RBFOX2: variants seen among roughly 807,000 people sequenced by gnomAD.
The protein encoded by RBFOX2 is RNA binding protein fox-1 homolog 2.
Under a neutral mutation model 49.1 loss-of-function variants are expected in RBFOX2, and 10 were observed. The ratio of observed to expected loss-of-function variants is 0.20; its 90% CI spans 0.13 to 0.35. The LOEUF (loss-of-function observed/expected upper bound fraction) is 0.35, where lower values mean the gene tolerates loss of function less well. Ranked by LOEUF, RBFOX2 falls within the 10% of genes least tolerant of loss-of-function variation. The pLI is 1.00. For synonymous variants in RBFOX2, 183 were observed against 187.4 expected, an observed-to-expected ratio of 0.98 and a Z score of 0.19; for missense variants, 323 against 486.9, an observed-to-expected ratio of 0.66 and a Z score of 3.17.
chr22:35,757,035 C>A (rs985370448), intron 9 of RBFOX2, among the ~76,000 whole-genome samples: 2 of 151,954 alleles, frequency 1.3e-5, no homozygotes, highest in Admixed American at 1.3e-4. Flanking sequence ...TTTAAGGGTT[C>A]TTTTTTGACT....
chr22:35,995,681 G>C (rs187695878), intron 1 of RBFOX2: 1 of 158,372 alleles, frequency 6.3e-6, no homozygotes, highest in Non-Finnish European at 1.4e-5. Flanking sequence ...CCATGGTTAA[G>C]ATGTGCTTGC....
At chr22:36,013,455 A>G (rs867305575) in intron 1 of RBFOX2, among the ~76,000 whole-genome samples, 1 of 152,178 alleles carries the variant, frequency 6.6e-6, no homozygotes, top group African/African-American at 2.4e-5. Flanking sequence ...CACTAATCCT[A>G]TAACACATTT....
chr22:35,893,630 A>C (rs1443484703), intron 1 of RBFOX2, among the ~76,000 whole-genome samples: 2 of 152,094 alleles, frequency 1.3e-5, no homozygotes, highest in Non-Finnish European at 2.9e-5. Context: ...CAAATACTAC[A>C]AAAAAAATCA....
At chr22:35,909,176 G>A (rs945828545) in intron 1 of RBFOX2, among the ~76,000 whole-genome samples, 1 of 152,144 alleles carries the variant, frequency 6.6e-6, no homozygotes, top group African/African-American at 2.4e-5. Context: ...ATTGTTATCA[G>A]GTTTGGTGCA....
At chr22:36,022,839 CAAG>C (rs2059297358) in intron 1 of RBFOX2, among the ~76,000 whole-genome samples, 1 of 152,130 alleles carries the variant, frequency 6.6e-6, no homozygotes, top group African/African-American at 2.4e-5. Context: ...GAACACACAG[CAAG>C]AAGACAGCTA....
chr22:35,850,042 AAT>A (rs921196863), intron 1 of RBFOX2, among the ~76,000 whole-genome samples: 13 of 152,078 alleles, frequency 8.5e-5, no homozygotes, highest in Non-Finnish European at 1.5e-5. Flanking sequence ...GAGCCAAAAT[AAT>A]ATATATGTTC....
intron 1 of RBFOX2, among the ~76,000 whole-genome samples, chr22:35,966,878 T>C (rs963571932): frequency 6.6e-6 from 1 of 151,972 alleles, no homozygotes; most frequent in Non-Finnish European, 1.5e-5. Context: ...AGTGGTGCAA[T>C]CATAGCTCAC....
chr22:36,001,033 G>A (rs1054020894), intron 1 of RBFOX2, among the ~76,000 whole-genome samples: 5 of 151,844 alleles, frequency 3.3e-5, no homozygotes, highest in Non-Finnish European at 7.4e-5. Context: ...CTAAACCCAA[G>A]GTTTTCCCAT....
chr22:35,928,494 C>T (rs1237615045), intron 1 of RBFOX2, among the ~76,000 whole-genome samples: 2 of 152,178 alleles, frequency 1.3e-5, no homozygotes, highest in Non-Finnish European at 2.9e-5. Context: ...CCACTACAAA[C>T]CTGCAAATCT....
chr22:35,875,767 G>A (rs116864653), intron 1 of RBFOX2, among the ~76,000 whole-genome samples: 1,896 of 151,820 alleles, frequency 0.012, 26 homozygotes, highest in Non-Finnish European at 0.018. Flanking sequence ...TTCTCCTAGC[G>A]CCTCCTTATC....
intron 1 of RBFOX2, among the ~76,000 whole-genome samples, chr22:36,016,647 G>A (rs543375154): frequency 6.6e-6 from 1 of 152,312 alleles, no homozygotes; most frequent in East Asian, 1.9e-4. Flanking sequence ...AAGTCCCTAA[G>A]AAAACCCACG....
At chr22:35,926,026 G>A (rs1251909644) in intron 1 of RBFOX2, among the ~76,000 whole-genome samples, 1 of 152,138 alleles carries the variant, frequency 6.6e-6, no homozygotes, top group Non-Finnish European at 1.5e-5. Context: ...TGCAGCTAAT[G>A]CTATTAAGAA....
chr22:35,748,749 C>A (rs1176439752), intron 9 of RBFOX2: 1 of 152,088 alleles, frequency 6.6e-6, no homozygotes, highest in Non-Finnish European at 1.5e-5. Context: ...GCAGTTAAAG[C>A]CCAATTCATG....
At chr22:35,924,520 G>C (rs2051393901) in intron 1 of RBFOX2, among the ~76,000 whole-genome samples, 1 of 152,180 alleles carries the variant, frequency 6.6e-6, no homozygotes, top group African/African-American at 2.4e-5. Flanking sequence ...ACTTGTAAGA[G>C]GCACTCTCTT....
At chr22:35,758,013 A>T (rs1937512806) in intron 9 of RBFOX2, among the ~76,000 whole-genome samples, 1 of 152,190 alleles carries the variant, frequency 6.6e-6, no homozygotes, top group Non-Finnish European at 1.5e-5. Context: ...GTTCTAGAAG[A>T]ATCCCAATAT....
chr22:35,753,605 G>A (rs1224269315), intron 9 of RBFOX2, among the ~76,000 whole-genome samples: 1 of 151,252 alleles, frequency 6.6e-6, no homozygotes, highest in Non-Finnish European at 1.5e-5. Flanking sequence ...GTTTAGCTCA[G>A]CAAGGTAATC....
intron 1 of RBFOX2, among the ~76,000 whole-genome samples, chr22:36,019,223 C>T (rs138928048): frequency 1.3e-5 from 2 of 152,306 alleles, no homozygotes; most frequent in South Asian, 2.1e-4. Context: ...TGTGATACTG[C>T]AGCAGTCCTT....
Position 35,969,216 on chromosome 22 carries a change from T to C in RBFOX2, c.187-30319A>G, listed in dbSNP as rs568660492. On this transcript the variant is annotated intron_variant, in intron 1 of 13. Transcript: ENST00000438146. ...CTTTCTGCCATTTCAAAAGTAGCTTTTGTACAACTGCATAAGAATCTACAA... is the reference window on the plus strand; with the variant it reads ...CTTTCTGCCATTTCAAAAGTAGCTTCTGTACAACTGCATAAGAATCTACAA... 1.4e-3 allele frequency among the ~76,000 whole-genome samples: 220 copies of C among 152,256 alleles called. 2 individuals carry two copies. Among genetic ancestry groups the C allele is most frequent in the African/African-American group, 4.9e-3 (202 of 41,528 alleles).
intron 1 of RBFOX2, among the ~76,000 whole-genome samples, chr22:35,891,108 T>G (rs2047184345): frequency 1.3e-5 from 2 of 152,220 alleles, no homozygotes; most frequent in Admixed American, 1.3e-4. Context: ...TTATTACCTG[T>G]GCATACAGAT....
Sources: gnomAD v4.1 joint callset for allele counts (sites outside exome capture counted in the v4.1 genomes callset) on GRCh38, gnomAD v4.1.1 for gene constraint, MANE v1.5 for transcripts, NCBI Gene and HGNC (gene_info 2026-07-23, HGNC 2026-07-21) for gene names.